The following RNF125 variants were observed in gnomAD, a reference collection of about 807,000 sequenced individuals.
RNF125 encodes ring finger protein 125.
RNF125 carries 21 observed loss-of-function variants against 26.0 expected under a neutral mutation model. The ratio of observed to expected loss-of-function variants is 0.81; its 90% CI spans 0.57 to 1.16. RNF125 has a LOEUF of 1.16. RNF125 is among the 50% of genes most tolerant of loss of function. RNF125 has a pLI of 0.00. For synonymous variants in RNF125, 95 were observed against 109.2 expected, an observed-to-expected ratio of 0.87 and a Z score of 0.81; for missense variants, 270 against 299.4, an observed-to-expected ratio of 0.90 and a Z score of 0.72.
intron 1 of RNF125, among the ~76,000 whole-genome samples, chr18:32,025,219 C>CATAT (rs80178203): frequency 6.6e-6 from 1 of 152,026 alleles, no homozygotes; most frequent in East Asian, 1.9e-4. Context: ...CATGTGTAAA[C>CATAT]ATATATATAC....
At chr18:32,085,991 C>G in the RNF125 span, among the ~76,000 whole-genome samples, 50 of 152,240 alleles carry the variant, frequency 3.3e-4, no homozygotes, top group African/African-American at 1.2e-3. Context: ...TTTAATTAAT[C>G]TTGATTAACA....
chr18:32,020,998 A>G (rs943770684), intron 1 of RNF125, among the ~76,000 whole-genome samples: 1 of 152,208 alleles, frequency 6.6e-6, no homozygotes, highest in Non-Finnish European at 1.5e-5. Context: ...AGTTTTCACT[A>G]CTGCCCGTCT....
At chr18:32,075,143 T>C (rs980854247), downstream of RNF125, among the ~76,000 whole-genome samples, 7 of 152,212 alleles carry the variant, frequency 4.6e-5, no homozygotes, top group Admixed American at 1.3e-4. Context: ...GTCATTGATA[T>C]GTATGCCAAC....
In RNF125 at chr18:32,018,961, C is replaced by T. The variant is rs753547215; in HGVS notation, c.98C>T (p.Thr33Met). Residue 33 changes from threonine (T) to methionine (M), a missense_variant, in exon 1 of 6, where the codon ACG becomes ATG. By Grantham distance (81) the Thr-to-Met change is moderately conservative (BLOSUM62 -1). Coordinates refer to ENST00000217740, the MANE Select transcript of RNF125 (RefSeq NM_017831.4). Reference protein sequence around the residue: ...ERRRDPELPVTSFDCAVCLEV... With the variant: ...ERRRDPELPVMSFDCAVCLEV... ...AGGAGGGACCCGGAGTTGCCCGTCA[C>T]GTCCTTCGACTGCGCCGTGTGCCTT... 1.9e-6 allele frequency: 3 copies of T among 1,613,810 alleles called. No individual in the cohort carries two copies. Among genetic ancestry groups the T allele is most frequent in the Non-Finnish European group, 8.5e-7 (1 of 1,179,862 alleles).
chr18:32,029,686 T>C (rs2039073719), intron 1 of RNF125, among the ~76,000 whole-genome samples: 1 of 151,746 alleles, frequency 6.6e-6, no homozygotes, highest in African/African-American at 2.4e-5. Flanking sequence ...TTGAAAACAG[T>C]AGATGCAAGG....
downstream of RNF125, chr18:32,073,340 C>T (rs2039548915): frequency 6.6e-6 from 1 of 152,152 alleles, no homozygotes; most frequent in Non-Finnish European, 1.5e-5. Context: ...GTAATTTTGT[C>T]TCCCAGCAGA....
Position 32,070,899 on chromosome 18 carries a change from T to G in RNF125, c.*2515T>G, listed in dbSNP as rs1706114264. ...TTGTATTTTTAGTAGAGTCAGGATT[T>G]CTCCACATTGGTCAGGCTGGCCTCA... On this transcript the variant is annotated 3_prime_UTR_variant, in exon 6 of 6. Transcript: ENST00000217740. 6.6e-6 allele frequency: 1 copy of G among 151,978 alleles called. No individual in the cohort carries two copies. The highest frequency in any genetic ancestry group is 6.6e-5 in the Admixed American group (1 of 15,250). 9.4% of individuals were successfully genotyped at this position (151,978 alleles called of 1,614,324 possible).
At chr18:32,024,396 T>C (rs949409564) in intron 1 of RNF125, among the ~76,000 whole-genome samples, 16 of 151,288 alleles carry the variant, frequency 1.1e-4, no homozygotes, top group African/African-American at 2.9e-4. Flanking sequence ...CAAGAACATA[T>C]CTTGCTTTTT....
the RNF125 span, among the ~76,000 whole-genome samples, chr18:32,087,257 T>C: frequency 2.0e-5 from 3 of 151,626 alleles, no homozygotes; most frequent in Non-Finnish European, 4.4e-5. Flanking sequence ...GTTTCATTAA[T>C]TTGCTGGAGC....
chr18:32,020,272 T>C (rs370197308), intron 1 of RNF125, among the ~76,000 whole-genome samples: 10 of 152,094 alleles, frequency 6.6e-5, no homozygotes, highest in African/African-American at 2.4e-4. Context: ...GGTCTTGAAC[T>C]CCTGACCTCA....
intron 1 of RNF125, among the ~76,000 whole-genome samples, chr18:32,026,389 C>T (rs572899362): frequency 3.4e-4 from 51 of 151,864 alleles, no homozygotes; most frequent in Non-Finnish European, 4.6e-4. Context: ...GCTGGGACTA[C>T]GAGGGTGTGC....
chr18:32,063,896 GT>G (rs973014702), intron 4 of RNF125, among the ~76,000 whole-genome samples: 4 of 151,582 alleles, frequency 2.6e-5, no homozygotes, highest in Non-Finnish European at 5.9e-5. Flanking sequence ...CAGAGCAGAG[GT>G]TAGGGAGAGA....
intron 4 of RNF125, among the ~76,000 whole-genome samples, chr18:32,051,794 A>C (rs1303852431): frequency 6.6e-6 from 1 of 150,788 alleles, no homozygotes; most frequent in Non-Finnish European, 1.5e-5. Context: ...GGTTCAAGCA[A>C]TTCTCCTCCC....
intron 1 of RNF125, among the ~76,000 whole-genome samples, chr18:32,034,270 C>A (rs564130944): frequency 2.0e-5 from 3 of 152,158 alleles, no homozygotes; most frequent in Non-Finnish European, 4.4e-5. Flanking sequence ...GACAACCTCG[C>A]GGATCTTCTC....
intron 1 of RNF125, among the ~76,000 whole-genome samples, chr18:32,023,839 T>C (rs2039007576): frequency 6.6e-6 from 1 of 152,314 alleles, no homozygotes; most frequent in South Asian, 2.1e-4. Context: ...GGAGGATGGC[T>C]TGAGACCAGC....
intron 2 of RNF125, among the ~76,000 whole-genome samples, chr18:32,038,869 G>T (rs547461470): frequency 2.0e-3 from 305 of 151,958 alleles, no homozygotes; most frequent in African/African-American, 7.2e-3. Context: ...GGGTTTAAGC[G>T]ATTTTCATGC....
At chr18:32,085,326 C>T in the RNF125 span, among the ~76,000 whole-genome samples, 1 of 150,164 alleles carries the variant, frequency 6.7e-6, no homozygotes, top group Non-Finnish European at 1.5e-5. Flanking sequence ...GAAAGTGCAG[C>T]CTCACAGAAG....
chr18:32,074,919 C>T (rs1293484095), downstream of RNF125, among the ~76,000 whole-genome samples: 8 of 152,202 alleles, frequency 5.3e-5, no homozygotes, highest in African/African-American at 1.7e-4. Flanking sequence ...GTCAGTTTCT[C>T]AGACATAAGA....
chr18:32,052,010 A>G (rs1205025805), intron 4 of RNF125, among the ~76,000 whole-genome samples: 2 of 151,658 alleles, frequency 1.3e-5, no homozygotes, highest in Non-Finnish European at 2.9e-5. Context: ...TTTCAATGTT[A>G]CCCTGGGGGC....
Sources: gnomAD v4.1 joint callset for allele counts (sites outside exome capture counted in the v4.1 genomes callset) on GRCh38, gnomAD v4.1.1 for gene constraint, MANE v1.5 for transcripts, NCBI Gene and HGNC (gene_info 2026-07-23, HGNC 2026-07-21) for gene names.